The following CADM1 variants were observed in gnomAD, a reference collection of about 807,000 sequenced individuals.
CADM1 encodes the protein cell adhesion molecule 1.
In CADM1, 15 loss-of-function variants were observed where a neutral mutation model predicts 53.1. The ratio of observed to expected loss-of-function variants is 0.28; its 90% CI spans 0.19 to 0.44. The LOEUF (loss-of-function observed/expected upper bound fraction) is 0.44. CADM1 is among the 20% of genes least tolerant of loss of function. The probability of loss-of-function intolerance (pLI) is 1.00; values close to 1 mark genes in which losing one functional copy is unlikely to be tolerated. For synonymous variants in CADM1, 281 were observed against 243.0 expected, an observed-to-expected ratio of 1.16 and a Z score of -1.45; for missense variants, 434 against 611.3, an observed-to-expected ratio of 0.71 and a Z score of 3.06.
At chr11:115,364,155 C>G (rs749547027) in intron 1 of CADM1, among the ~76,000 whole-genome samples, 1 of 152,120 alleles carries the variant, frequency 6.6e-6, no homozygotes, top group Non-Finnish European at 1.5e-5. Context: ...TATCTGTGAT[C>G]TTTCTCAGTG....
intron 1 of CADM1, among the ~76,000 whole-genome samples, chr11:115,502,866 G>A (rs1156826010): frequency 6.6e-6 from 1 of 152,192 alleles, no homozygotes; most frequent in African/African-American, 2.4e-5. Flanking sequence ...GCGGAGAGGC[G>A]CCCCTGAAGC....
intron 1 of CADM1, among the ~76,000 whole-genome samples, chr11:115,350,501 C>A (rs1945701642): frequency 8.0e-6 from 1 of 124,700 alleles, no homozygotes; most frequent in Non-Finnish European, 1.9e-5. Context: ...TATGACCATT[C>A]TTTTTTTCTT....
intron 1 of CADM1, among the ~76,000 whole-genome samples, chr11:115,318,825 G>A (rs994044266): frequency 2.0e-5 from 3 of 152,136 alleles, no homozygotes; most frequent in Non-Finnish European, 4.4e-5. Flanking sequence ...GGTAGGTGGT[G>A]AGCTAGGTAA....
At chr11:115,346,415 T>C (rs1031759977) in intron 1 of CADM1, among the ~76,000 whole-genome samples, 10 of 152,176 alleles carry the variant, frequency 6.6e-5, no homozygotes, top group South Asian at 4.1e-4. Context: ...GTTGTTTCTA[T>C]AGAGATGGGG....
chr11:115,170,898 G>A lies in CADM1; in HGVS notation c.*5576C>T, dbSNP rs1288152750. On this transcript the variant is annotated 3_prime_UTR_variant, in exon 12 of 12. Coordinates refer to ENST00000331581, the MANE Select transcript of CADM1 (RefSeq NM_001301043.2). ...CAACCTGAAAGCCACCTGTAGTAAGGATGGACATGCAAACATCAAGGTTTG... is the reference window on the plus strand; with the variant it reads ...CAACCTGAAAGCCACCTGTAGTAAGAATGGACATGCAAACATCAAGGTTTG... 6.6e-6 allele frequency: 1 copy of A among 152,172 alleles called. No homozygotes were observed. Among genetic ancestry groups the A allele is most frequent in the Non-Finnish European group, 1.5e-5 (1 of 68,038 alleles). The allele number at this position is 152,172 out of a possible 1,614,324, so 9.4% of individuals were successfully genotyped here.
intron 1 of CADM1, among the ~76,000 whole-genome samples, chr11:115,359,368 CT>C (rs1163661128): frequency 6.6e-6 from 1 of 152,000 alleles, no homozygotes; most frequent in Non-Finnish European, 1.5e-5. Context: ...GTAATTCTCA[CT>C]AGTACAATGT....
intron 8 of CADM1, 40 bp downstream of exon 8, chr11:115,209,529 CAATAT>C: frequency 6.8e-7 from 1 of 1,469,340 alleles, no homozygotes; most frequent in Non-Finnish European, 9.2e-7. Flanking sequence ...ACCAGAAAGA[CAATAT>C]ACATTCAGGA....
chr11:115,432,304 C>T (rs1458381548), intron 1 of CADM1, among the ~76,000 whole-genome samples: 6 of 152,150 alleles, frequency 3.9e-5, no homozygotes, highest in East Asian at 1.9e-4. Context: ...AGTCTGCTTT[C>T]GCTCACCATT....
At chr11:115,252,910 G>C (rs994198794) in intron 1 of CADM1, among the ~76,000 whole-genome samples, 1 of 152,146 alleles carries the variant, frequency 6.6e-6, no homozygotes. Context: ...AATTTTCTCT[G>C]TTCTATGCTT....
intron 1 of CADM1, among the ~76,000 whole-genome samples, chr11:115,395,211 A>C (rs1165332678): frequency 6.6e-6 from 1 of 152,154 alleles, no homozygotes; most frequent in Non-Finnish European, 1.5e-5. Flanking sequence ...GGCATTCAGG[A>C]TTTCTTGATG....
intron 1 of CADM1, among the ~76,000 whole-genome samples, chr11:115,318,777 C>T (rs890157761): frequency 6.6e-6 from 1 of 152,106 alleles, no homozygotes; most frequent in Non-Finnish European, 1.5e-5. Context: ...TAAAGACATA[C>T]TCAAAGATTG....
intron 1 of CADM1, among the ~76,000 whole-genome samples, chr11:115,301,535 A>G (rs902505889): frequency 1.6e-4 from 25 of 152,148 alleles, no homozygotes; most frequent in Non-Finnish European, 3.2e-4. Context: ...GATCATCTAC[A>G]AGGTGCAACA....
At chr11:115,182,799 C>T (rs958811219) in intron 10 of CADM1, among the ~76,000 whole-genome samples, 7 of 152,294 alleles carry the variant, frequency 4.6e-5, no homozygotes, top group South Asian at 2.1e-4. Context: ...TGTCCCATCC[C>T]GCAGCCACTT....
At chr11:115,293,126 T>C (rs1481504462) in intron 1 of CADM1, among the ~76,000 whole-genome samples, 2 of 152,104 alleles carry the variant, frequency 1.3e-5, no homozygotes, top group Non-Finnish European at 2.9e-5. Context: ...TTCCAATGAC[T>C]TTTTTTATAG....
intron 1 of CADM1, among the ~76,000 whole-genome samples, chr11:115,414,112 G>C (rs900889399): frequency 6.6e-6 from 1 of 151,956 alleles, no homozygotes; most frequent in Admixed American, 6.6e-5. Flanking sequence ...TAAGGCAAAT[G>C]CTGCCTTAAA....
At chr11:115,368,262 T>C (rs973549411) in intron 1 of CADM1, among the ~76,000 whole-genome samples, 4 of 152,080 alleles carry the variant, frequency 2.6e-5, no homozygotes, top group African/African-American at 9.7e-5. Flanking sequence ...TTGTCATAGA[T>C]CCTGCAGGGG....
chr11:115,439,867 A>G (rs1948270013), intron 1 of CADM1, among the ~76,000 whole-genome samples: 1 of 152,220 alleles, frequency 6.6e-6, no homozygotes, highest in African/African-American at 2.4e-5. Flanking sequence ...GAATTTCTAA[A>G]GTAAATCAGA....
intron 1 of CADM1, among the ~76,000 whole-genome samples, chr11:115,376,992 G>A (rs1946454748): frequency 6.6e-6 from 1 of 152,266 alleles, no homozygotes; most frequent in East Asian, 1.9e-4. Context: ...TCACTTTAAT[G>A]TCTAGCCGGC....
At chr11:115,271,973 C>G (rs768191960) in intron 1 of CADM1, among the ~76,000 whole-genome samples, 1 of 152,184 alleles carries the variant, frequency 6.6e-6, no homozygotes, top group Non-Finnish European at 1.5e-5. Context: ...TTCCTAATCA[C>G]TCTTACACAG....
Sources: allele counts gnomAD v4.1 joint callset (sites outside exome capture counted in the v4.1 genomes callset), GRCh38; gene constraint gnomAD v4.1.1; transcripts MANE v1.5; gene names NCBI Gene and HGNC (gene_info 2026-07-23, HGNC 2026-07-21).